Variants in RGS22 observed in about 807,000 individuals in gnomAD.
RGS22 encodes regulator of G-protein signaling 22.
In RGS22, 148 loss-of-function variants were observed where a neutral mutation model predicts 172.9. The observed-to-expected ratio is 0.86, with a 90% CI of 0.75 to 0.98. RGS22 has a LOEUF of 0.98. Ranked by LOEUF, RGS22 falls within the 50% of genes least tolerant of loss-of-function variation. The pLI is 0.00. For synonymous variants in RGS22, 458 were observed against 480.2 expected, an observed-to-expected ratio of 0.95 and a Z score of 0.60; for missense variants, 1,347 against 1,440.8, an observed-to-expected ratio of 0.93 and a Z score of 1.05.
intron 21 of RGS22, among the ~76,000 whole-genome samples, chr8:99,983,584 T>C: frequency 6.6e-6 from 1 of 152,214 alleles, no homozygotes; most frequent in East Asian, 1.9e-4. Context: ...TCATGTTTCT[T>C]GGCCATTTAT....
At chr8:100,067,623 T>C (rs991770481) in intron 6 of RGS22, among the ~76,000 whole-genome samples, 1 of 100,150 alleles carries the variant, frequency 1.0e-5, no homozygotes, top group Non-Finnish European at 1.6e-5. Context: ...CTTTATACAT[T>C]TTTTTTTTTT....
chr8:100,069,277 T>C (rs1810770947), intron 6 of RGS22, among the ~76,000 whole-genome samples: 1 of 152,202 alleles, frequency 6.6e-6, no homozygotes, highest in Non-Finnish European at 1.5e-5. Context: ...TGGAGCCAAA[T>C]CCTAGCTCAG....
intron 2 of RGS22, among the ~76,000 whole-genome samples, chr8:100,097,771 TC>T (rs1813091580): frequency 1.3e-5 from 2 of 152,212 alleles, no homozygotes; most frequent in South Asian, 4.1e-4. Flanking sequence ...GGGACTGACC[TC>T]GGTTCACCGT....
chr8:100,021,170 A>G (rs541105760), intron 14 of RGS22, among the ~76,000 whole-genome samples: 1 of 152,352 alleles, frequency 6.6e-6, no homozygotes, highest in East Asian at 1.9e-4. Context: ...TACTGGCAGC[A>G]AAGCTACATA....
At chr8:100,079,783 C>T (rs958817499) in intron 4 of RGS22, among the ~76,000 whole-genome samples, 1 of 152,158 alleles carries the variant, frequency 6.6e-6, no homozygotes, top group Admixed American at 6.5e-5. Flanking sequence ...CAATTCCCAA[C>T]TGCTTGATAG....
At chr8:100,046,837 A>G (rs1406858830) in intron 11 of RGS22, among the ~76,000 whole-genome samples, 1 of 151,104 alleles carries the variant, frequency 6.6e-6, no homozygotes, top group Non-Finnish European at 1.5e-5. Flanking sequence ...TTTTTTTTAG[A>G]TGGCGCCTCA....
chr8:99,980,504 C>G (rs1189481579), intron 22 of RGS22, among the ~76,000 whole-genome samples: 2 of 152,114 alleles, frequency 1.3e-5, no homozygotes, highest in African/African-American at 4.8e-5. Flanking sequence ...ATGGAGATGG[C>G]CAACCAGATC....
intron 23 of RGS22, among the ~76,000 whole-genome samples, chr8:99,970,478 C>T (rs182693249): frequency 1.5e-3 from 234 of 151,812 alleles, no homozygotes; most frequent in Middle Eastern, 6.8e-3. Context: ...AAATGGAACA[C>T]TACCCAGACT....
chr8:100,059,827 A>G (rs113518908), intron 9 of RGS22, among the ~76,000 whole-genome samples: 100 of 152,298 alleles, frequency 6.6e-4, no homozygotes, highest in African/African-American at 2.2e-3. Context: ...TTGGGGAAAA[A>G]TATATGAAAG....
intron 3 of RGS22, among the ~76,000 whole-genome samples, chr8:100,083,215 C>A (rs899987619): frequency 2.0e-5 from 3 of 152,170 alleles, no homozygotes; most frequent in African/African-American, 7.2e-5. Context: ...GAAGCAGAAC[C>A]ATCACCACAC....
chr8:100,002,217 C>T lies in RGS22; in HGVS notation c.2775G>A (p.Leu925=). The T allele has an allele frequency of 6.3e-7, 1 of 1,588,496 alleles. No individual in the cohort carries two copies. The change falls in exon 18 of 28, where the codon CTG becomes CTA. Residue 925 remains leucine (L), a synonymous_variant. Transcript: ENST00000360863. ...ATGTTGATACCTGGTTCTGCTGATA[C>T]AGAGAAGCTGGACTGTTGGGTCCAA... is the stretch of plus-strand genomic sequence containing the variant. ...YFFGPNSPAS[L]YQQNQVMHLS...
At chr8:99,985,526 T>C (rs1813001048) in intron 21 of RGS22, among the ~76,000 whole-genome samples, 1 of 152,196 alleles carries the variant, frequency 6.6e-6, no homozygotes, top group Non-Finnish European at 1.5e-5. Flanking sequence ...GAATCAACAT[T>C]ATTTCCTAAT....
Position 100,005,955 on chromosome 8 carries a change from C to CTTT in RGS22, c.2454+61_2454+62insAAA, listed in dbSNP as rs1249163853. ...CTCTACAATCTCCCCCTGCCCCATACATAAAGTGGTAACCCTCTCCAGGAT... is the reference window on the plus strand; with the variant it reads ...CTCTACAATCTCCCCCTGCCCCATACTTTATAAAGTGGTAACCCTCTCCAGGAT... On this transcript the variant is annotated intron_variant, in intron 16 of 27. Coordinates refer to ENST00000360863, the MANE Select transcript of RGS22 (RefSeq NM_015668.5). The CTTT allele has an allele frequency of 2.9e-5, 35 of 1,216,646 alleles. No homozygotes were observed. The East Asian group carries it at 7.0e-4, about 24-fold the overall frequency. 75.4% of individuals were successfully genotyped at this position (1,216,646 alleles called of 1,614,324 possible).
At position 99,978,009 on chromosome 8, in the gene RGS22, C is replaced by A; in HGVS notation, c.3427G>T (p.Asp1143Tyr). Residue 1143 changes from aspartate to tyrosine, a missense_variant, in exon 23 of 28, where the codon GAT (aspartate) becomes TAT (tyrosine). Coordinates refer to ENST00000360863, the MANE Select transcript of RGS22 (RefSeq NM_015668.5). ...QFCEFRKNLTDENIMSVLERR... is the reference protein window; with the variant it reads ...QFCEFRKNLTYENIMSVLERR... ...TCTAAAACACTCATAATATTTTCAT[C>A]TGTTAAATTCTTCCTAAACTCACAG... The A allele has an allele frequency of 6.5e-7, 1 of 1,548,018 alleles. No individual in the cohort carries two copies. Among genetic ancestry groups the A allele is most frequent in the Non-Finnish European group, 8.6e-7 (1 of 1,156,788 alleles).
Position 99,962,744 on chromosome 8 carries a change from T to G in RGS22, c.3733A>C (p.Lys1245Gln). Residue 1245 changes from lysine to glutamine, a missense_variant, in exon 26 of 28, where the codon AAG becomes CAG. Physicochemically the swap from Lys to Gln is moderately conservative, Grantham distance 53. Coordinates refer to ENST00000360863, the MANE Select transcript of RGS22 (RefSeq NM_015668.5). ...FAGLQPLTNF[K>Q]ASSSTMSLKK... Reference sequence around the variant, plus strand: ...AAAGACATAGTTGAAGAGCTAGCCTTAAAATTTGTGAGAGGTTGCAAGCCT... The same window carrying G: ...AAAGACATAGTTGAAGAGCTAGCCTGAAAATTTGTGAGAGGTTGCAAGCCT... 6.2e-7 allele frequency: 1 copy of G among 1,611,716 alleles called. No homozygotes were observed. Among genetic ancestry groups the G allele is most frequent in the African/African-American group, 1.3e-5 (1 of 74,822 alleles).
intron 3 of RGS22, among the ~76,000 whole-genome samples, chr8:100,087,547 A>G (rs971555839): frequency 6.6e-6 from 1 of 152,162 alleles, no homozygotes; most frequent in Admixed American, 6.5e-5. Context: ...ACGTACTTAA[A>G]CTGCCAGCCC....
At position 100,055,632 on chromosome 8, in the gene RGS22, C is replaced by T. The variant is rs189678728; in HGVS notation, c.1515-2656G>A. On this transcript the variant is annotated intron_variant, in intron 9 of 27. Coordinates refer to ENST00000360863, the MANE Select transcript of RGS22 (RefSeq NM_015668.5). Reference sequence around the variant, plus strand: ...ATTCCCACGTGTCATGGGAGGGATCCGATGGGAGGTAACTGAATCATGGGG... The same window carrying T: ...ATTCCCACGTGTCATGGGAGGGATCTGATGGGAGGTAACTGAATCATGGGG... Among the ~76,000 whole-genome samples, 67 of 152,230 alleles carry T rather than the reference C, an allele frequency of 4.4e-4. 1 individual carries two copies. Among genetic ancestry groups the T allele is most frequent in the Middle Eastern group, 3.4e-3 (1 of 294 alleles).
chr8:100,065,589 T>A (rs1435014587), intron 7 of RGS22, among the ~76,000 whole-genome samples: 2 of 152,178 alleles, frequency 1.3e-5, no homozygotes, highest in Non-Finnish European at 2.9e-5. Flanking sequence ...ATATCACTGT[T>A]AATGACTCCC....
chr8:99,987,390 A>T, intron 21 of RGS22, 68 bp downstream of exon 21: 2 of 1,267,276 alleles, frequency 1.6e-6, no homozygotes, highest in African/African-American at 1.5e-5. Context: ...AAAGTTAGTT[A>T]AAAATCTGAC....
Sources: allele counts gnomAD v4.1 joint callset (sites outside exome capture counted in the v4.1 genomes callset), GRCh38; gene constraint gnomAD v4.1.1; transcripts MANE v1.5; gene names NCBI Gene and HGNC (gene_info 2026-07-23, HGNC 2026-07-21).